Variants in KDM2A observed in about 807,000 individuals in gnomAD.
KDM2A encodes lysine-specific demethylase 2A.
In KDM2A, 3 loss-of-function variants were observed where a neutral mutation model predicts 137.3. The ratio of observed to expected loss-of-function variants is 0.02; its 90% confidence interval spans 0.01 to 0.06. KDM2A has a LOEUF of 0.06. Among genes scored for constraint, KDM2A ranks in the 10% least tolerant of loss-of-function variants. The pLI is 1.00. For missense variants in KDM2A, 738 were observed against 1,510.6 expected (o/e 0.49, Z 8.48); for synonymous variants, 512 against 541.5 (o/e 0.95, Z 0.76).
intron 15 of KDM2A, among the ~76,000 whole-genome samples, chr11:67,247,716 T>C (rs11227750): frequency 0.032 from 4,826 of 152,254 alleles, 119 homozygotes; most frequent in African/African-American, 0.07. Flanking sequence ...TGAGCCACCA[T>C]GCCCGGCCAA....
chr11:67,196,083 C>T lies in KDM2A; in HGVS notation c.308-11427C>T, dbSNP rs1449412457. 4.3e-5 allele frequency: 17 copies of T among 395,748 alleles called. No individual in the cohort carries two copies. The Admixed American group carries it at 5.3e-4, about 12-fold the overall frequency. The allele number at this position is 395,748 out of a possible 1,614,324, so 24.5% of individuals were successfully genotyped here. ...CCACCCCATCCCAGTTAAGCTGAGT[C>T]ACACGAACATAATTGTCGGTCATAA... On this transcript the variant is annotated intron_variant, in intron 5 of 20. Coordinates refer to ENST00000529006, the MANE Select transcript of KDM2A (RefSeq NM_012308.3).
intron 10 of KDM2A, among the ~76,000 whole-genome samples, chr11:67,225,825 G>T (rs1858525324): frequency 6.6e-6 from 1 of 151,990 alleles, no homozygotes; most frequent in Admixed American, 6.6e-5. Context: ...AGCACTTTGG[G>T]AGGCTGAGGC....
rs570058844 is a variant in KDM2A, at chr11:67,145,135, G to A, written c.42+23777G>A. 9.1e-4 allele frequency among the ~76,000 whole-genome samples: 138 copies of A among 150,876 alleles called. 1 individual carries two copies. The highest frequency in any genetic ancestry group is 3.4e-3 in the Middle Eastern group (1 of 294). On this transcript the variant is annotated intron_variant, in intron 2 of 20. Coordinates refer to ENST00000529006, the MANE Select transcript of KDM2A (RefSeq NM_012308.3). ...GATCTGCCCAGCTTGGCCTCCCAAA[G>A]TGCTAAGATTACAGGTGTGAGCCAC...
intron 2 of KDM2A, among the ~76,000 whole-genome samples, chr11:67,148,079 T>G (rs1425370812): frequency 6.6e-6 from 1 of 152,078 alleles, no homozygotes; most frequent in African/African-American, 2.4e-5. Context: ...AAGTATTTAC[T>G]AGATCGCTGA....
chr11:67,220,540 T>A (rs11227741), intron 10 of KDM2A, among the ~76,000 whole-genome samples: 13,142 of 152,198 alleles, frequency 0.086, 1,915 homozygotes, highest in African/African-American at 0.3. Context: ...CAAGAGAGAA[T>A]TAAGCCCAAA....
intron 12 of KDM2A, among the ~76,000 whole-genome samples, chr11:67,232,817 C>T (rs12788405): frequency 0.067 from 10,249 of 152,048 alleles, 537 homozygotes; most frequent in African/African-American, 0.14. Flanking sequence ...AAGCAGTTCT[C>T]GTGCCTCAGC....
intron 5 of KDM2A, among the ~76,000 whole-genome samples, chr11:67,189,763 C>G (rs1857303378): frequency 2.6e-5 from 4 of 152,116 alleles, no homozygotes; most frequent in Admixed American, 2.0e-4. Context: ...TCACTTGAAC[C>G]TGGGAAGCGG....
In KDM2A at chr11:67,208,051, G is replaced by A. The variant is rs56831094; in HGVS notation, c.486+363G>A. Among the ~76,000 whole-genome samples the A allele has an allele frequency of 4.2e-3, 640 of 151,974 alleles. 4 individuals are homozygous for A. The highest frequency in any genetic ancestry group is 0.014 in the African/African-American group (570 of 41,454). On this transcript the variant is annotated intron_variant, in intron 6 of 20. Coordinates refer to ENST00000529006, the MANE Select transcript of KDM2A (RefSeq NM_012308.3). ...GTCTCAAAAATTTAAAATAAAATGC[G>A]TTGTTTTTATACTGGGAAATTTTAT...
intron 2 of KDM2A, among the ~76,000 whole-genome samples, chr11:67,141,007 C>T (rs190703361): frequency 2.6e-5 from 4 of 152,198 alleles, no homozygotes; most frequent in Admixed American, 2.6e-4. Context: ...CTCATGCTTG[C>T]TCAAGTCAAA....
intron 2 of KDM2A, among the ~76,000 whole-genome samples, chr11:67,125,800 C>T (rs989581285): frequency 2.0e-5 from 3 of 150,790 alleles, no homozygotes; most frequent in East Asian, 3.9e-4. Context: ...AAAAATTAGC[C>T]GGGCGTGGTG....
chr11:67,154,636 G>T (rs1429477916), intron 2 of KDM2A, among the ~76,000 whole-genome samples: 2 of 151,414 alleles, frequency 1.3e-5, no homozygotes, highest in Admixed American at 1.3e-4. Context: ...ATGGGGTTTT[G>T]CCATGTTGGC....
rs921321640 is a variant in KDM2A, at chr11:67,192,433, C to CTT, written c.307+10568_307+10569dup. ...ATGGACATTTACTTTGTTTCCATTT[C>CTT]TTTTTTTTTTTTTTTTTTTTTTTTT... On this transcript the variant is annotated intron_variant, in intron 5 of 20. Transcript: ENST00000529006. Among the ~76,000 whole-genome samples the CTT allele has an allele frequency of 5.1e-3, 357 of 70,556 alleles. 38 individuals carry two copies. Among genetic ancestry groups the CTT allele is most frequent in the East Asian group, 9.4e-3 (22 of 2,350 alleles). The allele number at this position is 70,556 out of a possible 152,430, so 46.3% of individuals were successfully genotyped here. A position where few individuals can be genotyped will look rare whatever the true frequency, so the allele number is the denominator to read the frequency against.
At chr11:67,177,975 G>T (rs1857006798) in intron 2 of KDM2A, among the ~76,000 whole-genome samples, 1 of 152,162 alleles carries the variant, frequency 6.6e-6, no homozygotes, top group Non-Finnish European at 1.5e-5. Flanking sequence ...TCATATATGT[G>T]CAGTTCATAT....
intron 12 of KDM2A, among the ~76,000 whole-genome samples, chr11:67,242,535 G>A (rs2136445367): frequency 6.6e-6 from 1 of 152,328 alleles, no homozygotes; most frequent in Non-Finnish European, 1.5e-5. Flanking sequence ...AAGTTTTACT[G>A]TCATATGTAG....
At chr11:67,149,630 G>A (rs1856338201) in intron 2 of KDM2A, among the ~76,000 whole-genome samples, 1 of 151,022 alleles carries the variant, frequency 6.6e-6, no homozygotes, top group Non-Finnish European at 1.5e-5. Flanking sequence ...TTGCTTTTAT[G>A]CATACATACA....
At position 67,180,103 on chromosome 11, in the gene KDM2A, G is replaced by A; in HGVS notation, c.67G>A (p.Glu23Lys). ...RLRGTMRRRY[E>K]DDGISDDEIE... ...GCGTGGTACCATGCGACGACGCTATGAAGATGATGGCATTTCAGATGATGA... is the reference window on the plus strand; with the variant it reads ...GCGTGGTACCATGCGACGACGCTATAAAGATGATGGCATTTCAGATGATGA... Residue 23 changes from glutamate to lysine, a missense_variant, in exon 3 of 21, where the codon GAA (glutamate) becomes AAA (lysine). Physicochemically the swap from Glu to Lys is moderately conservative, Grantham distance 56. This residue lies in a region of KDM2A where 74 missense variants were observed against 181.8 expected (regional missense o/e 0.41). Transcript: ENST00000529006. 1.2e-6 allele frequency: 2 copies of A among 1,613,880 alleles called. No individual in the cohort carries two copies. The highest frequency in any genetic ancestry group is 1.7e-6 in the Non-Finnish European group (2 of 1,179,840).
At chr11:67,221,753 T>C (rs1858356247) in intron 10 of KDM2A, among the ~76,000 whole-genome samples, 2 of 152,116 alleles carry the variant, frequency 1.3e-5, no homozygotes, top group Non-Finnish European at 2.9e-5. Context: ...GAGGATTATG[T>C]GAAGCAAGGA....
rs772315732 is a variant in KDM2A at position 67,248,383 on chromosome 11, T to A, written c.2055+13T>A. ...GGAGAAAGCCCAGGTAAAGGAACCTTATCAGATTTGCACTGTGACAGAAAG... is the reference window on the plus strand; with the variant it reads ...GGAGAAAGCCCAGGTAAAGGAACCTAATCAGATTTGCACTGTGACAGAAAG... On this transcript the variant is annotated intron_variant, in intron 16 of 20. Transcript: ENST00000529006. 2 of 1,576,198 alleles carry A rather than the reference T, an allele frequency of 1.3e-6. No homozygotes were observed. Among genetic ancestry groups the A allele is most frequent in the Non-Finnish European group, 1.7e-6 (2 of 1,155,854 alleles).
At chr11:67,161,707 G>A (rs1047771806) in intron 2 of KDM2A, among the ~76,000 whole-genome samples, 1 of 152,060 alleles carries the variant, frequency 6.6e-6, no homozygotes, top group Non-Finnish European at 1.5e-5. Flanking sequence ...TATACACAAG[G>A]ATTCTTTTAT....
Sources: gnomAD v4.1 joint callset for allele counts (sites outside exome capture counted in the v4.1 genomes callset) on GRCh38, gnomAD v4.1.1 for gene constraint, gnomAD v4.1.1 regional missense constraint, MANE v1.5 for transcripts, NCBI Gene and HGNC (gene_info 2026-07-23, HGNC 2026-07-21) for gene names.